PHF20L1: variants seen among roughly 807,000 people sequenced by gnomAD.
PHF20L1 encodes the protein PHD finger protein 20 like 1.
A neutral mutation model predicts 125.5 loss-of-function variants in PHF20L1; 44 were observed. The ratio of observed to expected loss-of-function variants is 0.35; its 90% CI spans 0.28 to 0.45. The LOEUF (loss-of-function observed/expected upper bound fraction) is 0.45. PHF20L1 is among the 20% of genes least tolerant of loss of function. PHF20L1 has a pLI of 1.00. For missense variants in PHF20L1, 1,012 were observed against 1,217.2 expected (o/e 0.83, Z 2.51); for synonymous variants, 380 against 403.1 (o/e 0.94, Z 0.69).
chr8:132,793,802 A>G (rs1832061277), intron 2 of PHF20L1, among the ~76,000 whole-genome samples: 1 of 152,184 alleles, frequency 6.6e-6, no homozygotes, highest in African/African-American at 2.4e-5. Context: ...AAATACAGAA[A>G]AATAAGAATT....
intron 15 of PHF20L1, among the ~76,000 whole-genome samples, chr8:132,835,220 T>C (rs547587431): frequency 1.2e-4 from 18 of 152,244 alleles, no homozygotes; most frequent in African/African-American, 4.1e-4. Context: ...CAATGCAAAG[T>C]TCTTGCTGTC....
chr8:132,827,332 A>G (rs1221255574), intron 14 of PHF20L1, among the ~76,000 whole-genome samples: 1 of 152,070 alleles, frequency 6.6e-6, no homozygotes, highest in African/African-American at 2.4e-5. Context: ...TCAGGCTGCA[A>G]ATAAAACTTC....
In PHF20L1 at chr8:132,812,676, T is replaced by C. The variant is rs1336402973; in HGVS notation, c.930+1548T>C. The C allele has an allele frequency of 5.1e-6, 5 of 985,020 alleles. No individual in the cohort carries two copies. In the African/African-American group the frequency reaches 5.2e-5, roughly 10 times the overall value. 61.0% of individuals were successfully genotyped at this position (985,020 alleles called of 1,614,324 possible). A position where few individuals can be genotyped will look rare whatever the true frequency, so the allele number is the denominator to read the frequency against. On this transcript the variant is annotated intron_variant, in intron 9 of 20. Coordinates refer to ENST00000395386, the MANE Select transcript of PHF20L1 (RefSeq NM_016018.5). ...AAAATGTTTTGTGAACAAACACTTA[T>C]TTTTATCCTATGTGTTAGCCTCGCT...
chr8:132,801,135 T>C (rs1832996712), intron 6 of PHF20L1, among the ~76,000 whole-genome samples: 1 of 151,724 alleles, frequency 6.6e-6, no homozygotes, highest in Non-Finnish European at 1.5e-5. Flanking sequence ...ATTGAGCCAT[T>C]ATATTTTTAA....
chr8:132,825,726 A>G (rs564180485), intron 14 of PHF20L1, among the ~76,000 whole-genome samples: 3 of 152,182 alleles, frequency 2.0e-5, no homozygotes, highest in South Asian at 2.1e-4. Flanking sequence ...TGAGAGTGAA[A>G]TAGATATTTT....
At chr8:132,778,198 C>A (rs1188495377) in intron 2 of PHF20L1, among the ~76,000 whole-genome samples, 11 of 152,086 alleles carry the variant, frequency 7.2e-5, no homozygotes, top group Admixed American at 7.2e-4. Context: ...CTCATGTATA[C>A]CTCACATGAG....
chr8:132,834,438 A>G (rs1384023252), intron 15 of PHF20L1, among the ~76,000 whole-genome samples: 2 of 152,030 alleles, frequency 1.3e-5, no homozygotes, highest in South Asian at 2.1e-4. Flanking sequence ...GGCTCAAGCA[A>G]TCCTCTTGCC....
chr8:132,803,545 T>C, intron 6 of PHF20L1: 1 of 353,382 alleles, frequency 2.8e-6, no homozygotes, highest in Non-Finnish European at 5.1e-6. Flanking sequence ...TCCTCTGCTA[T>C]TTTAGATTTT....
intron 6 of PHF20L1, among the ~76,000 whole-genome samples, chr8:132,800,500 A>C (rs1832923031): frequency 7.3e-6 from 1 of 137,826 alleles, no homozygotes; most frequent in Admixed American, 7.6e-5. Flanking sequence ...TATTTGGGCA[A>C]AGCTAAGGGG....
intron 2 of PHF20L1, among the ~76,000 whole-genome samples, chr8:132,785,385 A>G (rs1830898303): frequency 6.6e-6 from 1 of 152,208 alleles, no homozygotes; most frequent in African/African-American, 2.4e-5. Flanking sequence ...GTAGACAGAA[A>G]TGGCATCTGC....
intron 12 of PHF20L1, chr8:132,818,128 T>TTA (rs1391280976): frequency 1.3e-5 from 2 of 151,994 alleles, no homozygotes; most frequent in African/African-American, 4.8e-5. Context: ...GATGTGTATT[T>TTA]TACCAAGCTG....
chr8:132,816,441 T>G (rs1437719593), intron 10 of PHF20L1: 1 of 154,992 alleles, frequency 6.5e-6, no homozygotes, highest in Non-Finnish European at 1.4e-5. Context: ...CTCTATAATG[T>G]TGTATCATCT....
At chr8:132,786,599 C>A (rs1831061204) in intron 2 of PHF20L1, among the ~76,000 whole-genome samples, 1 of 152,100 alleles carries the variant, frequency 6.6e-6, no homozygotes, top group Admixed American at 6.5e-5. Context: ...TTGCAAGATG[C>A]AGAATCTGTA....
At chr8:132,820,249 CAG>C (rs978762434) in intron 12 of PHF20L1, among the ~76,000 whole-genome samples, 3 of 151,794 alleles carry the variant, frequency 2.0e-5, no homozygotes, top group African/African-American at 7.3e-5. Flanking sequence ...GATACAGCCT[CAG>C]AAAATCTTAA....
rs1332809855 is a variant in PHF20L1, at chr8:132,848,163, G to A, written c.*2240G>A. The A allele has an allele frequency of 6.6e-6, 1 of 152,058 alleles. No homozygotes were observed. Among genetic ancestry groups the A allele is most frequent in the Non-Finnish European group, 1.5e-5 (1 of 67,908 alleles). The allele number at this position is 152,058 out of a possible 1,614,324, so 9.4% of individuals were successfully genotyped here. On this transcript the variant is annotated 3_prime_UTR_variant, in exon 21 of 21. Coordinates refer to ENST00000395386, the MANE Select transcript of PHF20L1 (RefSeq NM_016018.5). Reference sequence around the variant, plus strand: ...TTGTTCTTGTAGTTTCTAAAAATTAGATCAATTTATTTGTTAGCCAGCAAA... The same window carrying A: ...TTGTTCTTGTAGTTTCTAAAAATTAAATCAATTTATTTGTTAGCCAGCAAA...
chr8:132,839,007 C>G (rs1837658075), intron 17 of PHF20L1, among the ~76,000 whole-genome samples: 1 of 152,114 alleles, frequency 6.6e-6, no homozygotes, highest in East Asian at 1.9e-4. Flanking sequence ...AGCTAGAACT[C>G]TATGGTTCAT....
intron 2 of PHF20L1, among the ~76,000 whole-genome samples, chr8:132,787,413 C>G (rs563551182): frequency 2.0e-5 from 3 of 152,012 alleles, no homozygotes; most frequent in Admixed American, 1.3e-4. Context: ...AAGTAGGAAG[C>G]AGGGTGAACT....
intron 14 of PHF20L1, among the ~76,000 whole-genome samples, chr8:132,825,880 G>C (rs1049061254): frequency 6.6e-6 from 1 of 152,062 alleles, no homozygotes; most frequent in Non-Finnish European, 1.5e-5. Context: ...GGCCCTGGGG[G>C]CTTCCAGAGG....
intron 9 of PHF20L1, 149 bp downstream of exon 9, chr8:132,811,277 C>T: frequency 7.1e-7 from 1 of 1,413,112 alleles, no homozygotes; most frequent in Non-Finnish European, 9.3e-7. Flanking sequence ...TCTGCCTTCT[C>T]CAAGGTATAC....
Sources: gnomAD v4.1 joint callset for allele counts (sites outside exome capture counted in the v4.1 genomes callset) on GRCh38, gnomAD v4.1.1 for gene constraint, MANE v1.5 for transcripts, NCBI Gene and HGNC (gene_info 2026-07-23, HGNC 2026-07-21) for gene names.